Variants in GRM7 observed in about 807,000 individuals in gnomAD.
The protein encoded by GRM7 is metabotropic glutamate receptor 7.
Under a neutral mutation model 84.5 loss-of-function variants are expected in GRM7, and 35 were observed. The ratio of observed to expected loss-of-function variants is 0.41; its 90% CI spans 0.32 to 0.55. The LOEUF (loss-of-function observed/expected upper bound fraction) is 0.55. GRM7 is among the 20% of genes least tolerant of loss of function. The probability of loss-of-function intolerance (pLI) is 0.19; values close to 1 mark genes in which losing one functional copy is unlikely to be tolerated. For missense variants in GRM7, 1,003 were observed against 1,194.6 expected, an observed-to-expected ratio of 0.84 and a Z score of 2.36; for synonymous variants, 487 against 455.1, an observed-to-expected ratio of 1.07 and a Z score of -0.89.
chr3:7,317,028 C>T (rs1041597355), intron 4 of GRM7, among the ~76,000 whole-genome samples: 7 of 152,030 alleles, frequency 4.6e-5, no homozygotes, highest in South Asian at 2.1e-4. Context: ...AACCAGGTAA[C>T]GTAACTGTTT....
chr3:7,633,801 G>A (rs191443400), intron 8 of GRM7, among the ~76,000 whole-genome samples: 203 of 152,240 alleles, frequency 1.3e-3, no homozygotes, highest in African/African-American at 4.5e-3. Context: ...AATCAGACCC[G>A]TTCAAGCTGA....
intron 8 of GRM7, among the ~76,000 whole-genome samples, chr3:7,581,027 T>C (rs1695223930): frequency 6.6e-6 from 1 of 152,162 alleles, no homozygotes; most frequent in South Asian, 2.1e-4. Flanking sequence ...ATGCAACAGG[T>C]TGAAGACATT....
chr3:7,682,707 C>T (rs1700426102), intron 9 of GRM7, among the ~76,000 whole-genome samples: 1 of 152,074 alleles, frequency 6.6e-6, no homozygotes, highest in Non-Finnish European at 1.5e-5. Flanking sequence ...TGTTAACTTT[C>T]AAAAAACATT....
intron 5 of GRM7, among the ~76,000 whole-genome samples, chr3:7,426,955 T>G (rs1696634857): frequency 6.6e-6 from 1 of 152,222 alleles, no homozygotes; most frequent in Non-Finnish European, 1.5e-5. Flanking sequence ...GATTTGTGCT[T>G]GTGTTTCCCT....
intron 1 of GRM7, among the ~76,000 whole-genome samples, chr3:6,942,629 T>C (rs1432473667): frequency 6.6e-6 from 1 of 152,104 alleles, no homozygotes; most frequent in Non-Finnish European, 1.5e-5. Context: ...TCCATATACT[T>C]GTTGATGGGA....
chr3:7,425,312 T>C (rs1487748209), intron 5 of GRM7, among the ~76,000 whole-genome samples: 1 of 152,206 alleles, frequency 6.6e-6, no homozygotes, highest in Non-Finnish European at 1.5e-5. Context: ...GTTCAAACTT[T>C]GTTATAATGA....
At chr3:7,353,189 A>T (rs1449402719) in intron 4 of GRM7, among the ~76,000 whole-genome samples, 1 of 152,088 alleles carries the variant, frequency 6.6e-6, no homozygotes, top group Non-Finnish European at 1.5e-5. Flanking sequence ...CTCAAGACGC[A>T]GCAGGTCCCT....
intron 2 of GRM7, among the ~76,000 whole-genome samples, chr3:7,191,122 A>G (rs1423105977): frequency 1.3e-5 from 2 of 152,176 alleles, no homozygotes; most frequent in Non-Finnish European, 2.9e-5. Context: ...ATTCTATAAT[A>G]TTAGCCATGG....
chr3:7,143,311 G>C lies in GRM7; in HGVS notation c.520-3141G>C, dbSNP rs181185483. On this transcript the variant is annotated intron_variant, in intron 1 of 9. Transcript: ENST00000357716. The stretch of plus-strand genomic sequence containing the variant: ...ACAATAAGCAACATCATTTTTCACA[G>C]GTTACATAAATTCTTCCAGTCCTTC... 5.2e-3 allele frequency among the ~76,000 whole-genome samples: 786 copies of C among 152,226 alleles called. 2 individuals are homozygous for C. The highest frequency in any genetic ancestry group is 8.4e-3 in the Non-Finnish European group (569 of 68,016).
chr3:7,598,581 G>T (rs1431499225), intron 8 of GRM7, among the ~76,000 whole-genome samples: 1 of 152,040 alleles, frequency 6.6e-6, no homozygotes, highest in South Asian at 2.1e-4. Context: ...TGATTGCAAG[G>T]GTCTTGAAGT....
intron 1 of GRM7, among the ~76,000 whole-genome samples, chr3:7,092,605 G>T (rs866399340): frequency 1.1e-4 from 17 of 149,502 alleles, no homozygotes; most frequent in Non-Finnish European, 1.0e-4. Flanking sequence ...TGAATTGGGG[G>T]GGGGGCAATT....
intron 7 of GRM7, among the ~76,000 whole-genome samples, chr3:7,526,944 T>TTGAAGTCAGG (rs963246181): frequency 1.3e-5 from 2 of 152,124 alleles, no homozygotes; most frequent in Non-Finnish European, 2.9e-5. Flanking sequence ...ATAGTATAGT[T>TTGAAGTCAGG]TGAAGTCAGG....
At chr3:6,945,829 T>C (rs186593399) in intron 1 of GRM7, among the ~76,000 whole-genome samples, 14,073 of 152,250 alleles carry the variant, frequency 0.092, 676 homozygotes, top group Middle Eastern at 0.12. Flanking sequence ...GTGAGCATTT[T>C]TTCATGTGTT....
In GRM7 at chr3:7,593,249, T is replaced by C. The variant is rs115779973; in HGVS notation, c.2451+13892T>C. ...TGGTGAAAGAGTGGCCCCATATTCA[T>C]AGCCTTATTTTCCAGTGATTTTGTG... On this transcript the variant is annotated intron_variant, in intron 8 of 9. Transcript: ENST00000357716. Among the ~76,000 whole-genome samples, 646 of 152,300 alleles carry C rather than the reference T, an allele frequency of 4.2e-3. 6 individuals carry two copies. Among genetic ancestry groups the C allele is most frequent in the African/African-American group, 0.015 (623 of 41,574 alleles).
At chr3:6,889,257 TC>T (rs1695834429) in intron 1 of GRM7, among the ~76,000 whole-genome samples, 1 of 152,100 alleles carries the variant, frequency 6.6e-6, no homozygotes, top group Admixed American at 6.5e-5. Flanking sequence ...GGCCAGAACT[TC>T]CAACACTATA....
At chr3:7,149,311 C>T (rs543845408) in intron 2 of GRM7, among the ~76,000 whole-genome samples, 7 of 152,216 alleles carry the variant, frequency 4.6e-5, no homozygotes, top group South Asian at 2.1e-4. Flanking sequence ...TCTCATAAGG[C>T]GCGCATCTTG....
At chr3:7,610,598 G>C in intron 8 of GRM7, among the ~76,000 whole-genome samples, 1 of 152,120 alleles carries the variant, frequency 6.6e-6, no homozygotes, top group Admixed American at 6.6e-5. Context: ...CTAACAAAAA[G>C]AAGTACACCA....
intron 2 of GRM7, among the ~76,000 whole-genome samples, chr3:7,205,936 C>A (rs1222189479): frequency 6.6e-6 from 1 of 152,164 alleles, no homozygotes; most frequent in Admixed American, 6.6e-5. Flanking sequence ...TTAAGTCATT[C>A]TTAAAATTTC....
intron 1 of GRM7, among the ~76,000 whole-genome samples, chr3:6,919,991 T>G (rs1697069607): frequency 6.6e-6 from 1 of 150,704 alleles, no homozygotes; most frequent in South Asian, 2.3e-4. Context: ...TGCCATACAA[T>G]TTTTATAAAG....
Sources: allele counts gnomAD v4.1 joint callset (sites outside exome capture counted in the v4.1 genomes callset), GRCh38; gene constraint gnomAD v4.1.1; transcripts MANE v1.5; gene names NCBI Gene and HGNC (gene_info 2026-07-23, HGNC 2026-07-21).